Variants in ANKRD31 observed in about 807,000 individuals in gnomAD.
The protein encoded by ANKRD31 is ankyrin repeat domain 31, also known as ankyrin repeat domain-containing protein 31.
In ANKRD31, 147 loss-of-function variants were observed where a neutral mutation model predicts 186.0. The ratio of observed to expected loss-of-function variants is 0.79; its 90% CI spans 0.69 to 0.91. The LOEUF is 0.91. ANKRD31 is among the 40% of genes least tolerant of loss of function. The pLI, the probability that ANKRD31 is intolerant of heterozygous loss-of-function variation, is 0.00. For synonymous variants in ANKRD31, 673 were observed against 736.4 expected (o/e 0.91, Z 1.39); for missense variants, 1,986 against 2,148.8 (o/e 0.92, Z 1.50).
chr5:75,169,879 A>G (rs1279551207), intron 10 of ANKRD31, among the ~76,000 whole-genome samples: 1 of 152,172 alleles, frequency 6.6e-6, no homozygotes, highest in Non-Finnish European at 1.5e-5. Flanking sequence ...ACCAGATGAT[A>G]GTAGAAACTC....
At chr5:75,228,233 T>C (rs1561553475) in intron 2 of ANKRD31, among the ~76,000 whole-genome samples, 1 of 152,360 alleles carries the variant, frequency 6.6e-6, no homozygotes, top group East Asian at 1.9e-4. Context: ...CACTCAGCTC[T>C]TACCTTTATA....
intron 17 of ANKRD31, among the ~76,000 whole-genome samples, chr5:75,127,115 G>A (rs1349631842): frequency 6.6e-6 from 1 of 151,106 alleles, no homozygotes; most frequent in African/African-American, 2.4e-5. Flanking sequence ...AACCCAGGAG[G>A]TAGAGGTTGC....
chr5:75,148,471 C>A lies in ANKRD31; in HGVS notation c.1905+105G>T. 3 of 753,250 alleles carry A rather than the reference C, an allele frequency of 4.0e-6. No individual in the cohort carries two copies. The South Asian group carries it at 7.2e-5, about 18-fold the overall frequency. 46.7% of individuals were successfully genotyped at this position (753,250 alleles called of 1,614,324 possible). A position where few individuals can be genotyped will look rare whatever the true frequency, so the allele number is the denominator to read the frequency against. ...AGTGTCTTAAAAGCAAATGTGAAGT[C>A]ATTATTACTAAAGCTTCAGCAGTCT... On this transcript the variant is annotated intron_variant, in intron 13 of 25. Transcript: ENST00000506364.
At chr5:75,202,405 A>G (rs1225446166) in intron 5 of ANKRD31, among the ~76,000 whole-genome samples, 2 of 152,350 alleles carry the variant, frequency 1.3e-5, no homozygotes, top group East Asian at 3.9e-4. Flanking sequence ...ACAAATACAT[A>G]AAGAATTCTT....
At chr5:75,109,259 A>C (rs982123088) in intron 20 of ANKRD31, among the ~76,000 whole-genome samples, 2 of 152,200 alleles carry the variant, frequency 1.3e-5, no homozygotes, top group African/African-American at 4.8e-5. Flanking sequence ...TAACAATGGC[A>C]ATTTTCTGCC....
chr5:75,143,903 A>G (rs1405400041), intron 15 of ANKRD31, 98 bp downstream of exon 15: 1 of 394,050 alleles, frequency 2.5e-6, no homozygotes, highest in Admixed American at 4.4e-5. Context: ...CTACAAAAAG[A>G]AACAATATAT....
chr5:75,154,151 G>A (rs1413826054), intron 12 of ANKRD31, 50 bp downstream of exon 12: 3 of 1,326,322 alleles, frequency 2.3e-6, no homozygotes, highest in Admixed American at 3.3e-5. Context: ...TTAAATTTCT[G>A]TAACTTCACT....
chr5:75,087,863 A>G (rs1745619585), intron 23 of ANKRD31, among the ~76,000 whole-genome samples: 1 of 152,222 alleles, frequency 6.6e-6, no homozygotes. Context: ...TGATGCAGGT[A>G]AAGCTCACCT....
At chr5:75,084,036 G>T (rs1745293432) in intron 24 of ANKRD31, among the ~76,000 whole-genome samples, 1 of 152,182 alleles carries the variant, frequency 6.6e-6, no homozygotes, top group South Asian at 2.1e-4. Context: ...ACAGCTGAGT[G>T]GGTACAGGGT....
At chr5:75,159,207 A>T (rs2150169029) in intron 11 of ANKRD31, among the ~76,000 whole-genome samples, 1 of 152,252 alleles carries the variant, frequency 6.6e-6, no homozygotes, top group Admixed American at 6.5e-5. Context: ...TAAAAGAATG[A>T]AGAAAAATGA....
Position 75,196,092 on chromosome 5 carries a change from T to C in ANKRD31, c.556A>G (p.Lys186Glu). The change falls in exon 7 of 26, where the codon AAG becomes GAG. Residue 186 changes from lysine to glutamate, a missense_variant. Transcript: ENST00000506364. ...AATGTATTTGGTGCTGCTAAAATCT[T>C]CTCTGGCTCTACTAATGATGTCTCC... The part of the protein sequence containing the change: ...VKETSLVEPE[K>E]ILAAPNTFFE... 6.5e-7 allele frequency: 1 copy of C among 1,536,920 alleles called. No homozygotes were observed. The highest frequency in any genetic ancestry group is 2.0e-5 in the Admixed American group (1 of 50,966).
chr5:75,154,467 T>G, intron 11 of ANKRD31, 122 bp from the exon 12 acceptor site: 11 of 854,032 alleles, frequency 1.3e-5, no homozygotes, highest in South Asian at 5.0e-5. Context: ...TGGATTTATC[T>G]ATAAATCCTT....
chr5:75,130,209 A>C (rs759232540), intron 17 of ANKRD31, among the ~76,000 whole-genome samples: 18 of 152,150 alleles, frequency 1.2e-4, no homozygotes, highest in Non-Finnish European at 2.2e-4. Context: ...TGTTTCTCCC[A>C]GTGGGTTCGT....
At chr5:75,210,136 T>TTTCC (rs751811448) in intron 4 of ANKRD31, among the ~76,000 whole-genome samples, 97 of 152,210 alleles carry the variant, frequency 6.4e-4, no homozygotes, top group African/African-American at 9.6e-4. Flanking sequence ...GGACAGTTTC[T>TTTCC]TTCCTTCCTT....
In ANKRD31 at chr5:75,234,691, T is replaced by C. The variant is rs1758151436; in HGVS notation, c.104+1892A>G. 3.3e-5 allele frequency among the ~76,000 whole-genome samples: 5 copies of C among 152,360 alleles called. No individual in the cohort carries two copies. In the South Asian group the frequency reaches 1.0e-3, roughly 32 times the overall value. On this transcript the variant is annotated intron_variant, in intron 1 of 25. Transcript: ENST00000506364. ...GGAAGACAGAGGTAACACTATTTTC[T>C]AAAAACAGAAGCACTGTGTCAAAGA... is the stretch of plus-strand genomic sequence containing the variant.
In ANKRD31 at chr5:75,146,585, G is replaced by A. The variant is rs1422699; in HGVS notation, c.2826C>T (p.Phe942=). Reference sequence around the variant, plus strand: ...GATCTTCAGAAAGTAAAAACTGTTGGAAACCCATTTCTTTTTTATTTGTTA... The same window carrying A: ...GATCTTCAGAAAGTAAAAACTGTTGAAAACCCATTTCTTTTTTATTTGTTA... ...ENLTNKKEMG[F]QQFLLSEDHL... The change falls in exon 14 of 26, where the codon TTC becomes TTT. Residue 942 remains phenylalanine, a synonymous_variant. Coordinates refer to ENST00000506364, the MANE Select transcript of ANKRD31 (RefSeq NM_001372053.1). 0.4 allele frequency: 616,146 copies of A among 1,535,346 alleles called. 133,508 individuals carry two copies. The highest frequency in any genetic ancestry group is 0.83 in the African/African-American group (60,608 of 72,946).
chr5:75,225,266 A>G (rs1757561978), intron 2 of ANKRD31, among the ~76,000 whole-genome samples: 1 of 152,234 alleles, frequency 6.6e-6, no homozygotes, highest in Non-Finnish European at 1.5e-5. Flanking sequence ...TCATTAATTC[A>G]TTAAATAGGG....
At chr5:75,102,028 C>A (rs1158901922) in intron 22 of ANKRD31, among the ~76,000 whole-genome samples, 2 of 152,186 alleles carry the variant, frequency 1.3e-5, no homozygotes, top group Non-Finnish European at 2.9e-5. Context: ...GAATTTTCAG[C>A]TTTTCTGCTC....
At chr5:75,127,193 A>T (rs1749326435) in intron 17 of ANKRD31, among the ~76,000 whole-genome samples, 1 of 152,066 alleles carries the variant, frequency 6.6e-6, no homozygotes. Context: ...TCAAAAAAAA[A>T]AAAAAAAATC....
Sources: gnomAD v4.1 joint callset for allele counts (sites outside exome capture counted in the v4.1 genomes callset) on GRCh38, gnomAD v4.1.1 for gene constraint, MANE v1.5 for transcripts, NCBI Gene and HGNC (gene_info 2026-07-23, HGNC 2026-07-21) for gene names.